The following MYL7 variants were observed in gnomAD, a reference collection of about 807,000 sequenced individuals.
MYL7 encodes myosin light chain 7.
In MYL7, 27 loss-of-function variants were observed where a neutral mutation model predicts 22.5. The ratio of observed to expected loss-of-function variants is 1.20; its 90% CI spans 0.89 to 1.66. The LOEUF is 1.66. MYL7 is among the 40% of genes most tolerant of loss of function. MYL7 has a pLI of 0.00. For missense variants in MYL7, 209 were observed against 226.8 expected (o/e 0.92, Z 0.50); for synonymous variants, 81 against 84.4 (o/e 0.96, Z 0.22).
chr7:44,140,700 G>A lies in MYL7; in HGVS notation c.193+12C>T. On this transcript the variant is annotated intron_variant, in intron 3 of 6. Coordinates refer to ENST00000223364, the MANE Select transcript of MYL7 (RefSeq NM_021223.3). Reference sequence around the variant, plus strand: ...GACCCCAGTGCGCAGGGTGGGAGGTGGGTGCACGCACCCAGCTGGGAGTAG... The same window carrying A: ...GACCCCAGTGCGCAGGGTGGGAGGTAGGTGCACGCACCCAGCTGGGAGTAG... The A allele has an allele frequency of 6.3e-7, 1 of 1,593,570 alleles. No individual in the cohort carries two copies. The highest frequency in any genetic ancestry group is 8.5e-7 in the Non-Finnish European group (1 of 1,170,150).
chr7:44,140,742 C>T lies in MYL7; in HGVS notation c.163G>A (p.Ala55Thr). Residue 55 changes from alanine to threonine, a missense_variant, in exon 3 of 7, where the codon GCA becomes ACA. Coordinates refer to ENST00000223364, the MANE Select transcript of MYL7 (RefSeq NM_021223.3). ...DQNRDGIICK[A>T]DLRETYSQLG... Reference sequence around the variant, plus strand: ...TGGGAGTAGGTCTCCCTCAGGTCTGCCTTGCAGATGATGCCATCACGATTC... The same window carrying T: ...TGGGAGTAGGTCTCCCTCAGGTCTGTCTTGCAGATGATGCCATCACGATTC... The T allele has an allele frequency of 6.2e-7, 1 of 1,612,362 alleles. No homozygotes were observed. Among genetic ancestry groups the T allele is most frequent in the Non-Finnish European group, 8.5e-7 (1 of 1,179,284 alleles).
chr7:44,141,219 C>T (rs757548980), intron 1 of MYL7, 84 bp downstream of exon 1: 3 of 1,608,696 alleles, frequency 1.9e-6, no homozygotes, highest in African/African-American at 2.7e-5. Context: ...CTCAACCCAA[C>T]ACAAGCACAG....
rs183013073 is a variant in MYL7 at position 44,140,954 on chromosome 7, C to T, written c.117+7G>A. On this transcript the variant is annotated splice_region_variant and intron_variant, in intron 2 of 6. Transcript: ENST00000223364. ...GGGATCTGAGGCTACTGGGAGTGGGCACTCACTTCTTTGAACTCCTGTATC... is the reference window on the plus strand; with the variant it reads ...GGGATCTGAGGCTACTGGGAGTGGGTACTCACTTCTTTGAACTCCTGTATC... The T allele has an allele frequency of 8.1e-5, 130 of 1,611,970 alleles. No individual in the cohort carries two copies. In the African/African-American group the frequency reaches 1.6e-3, roughly 20 times the overall value.
intron 4 of MYL7, 75 bp downstream of exon 4, chr7:44,140,248 A>G: frequency 7.9e-7 from 1 of 1,266,584 alleles, no homozygotes; most frequent in Non-Finnish European, 1.1e-6. Flanking sequence ...GGGTTCAGGC[A>G]GGGTTCAGGT....
Position 44,141,040 on chromosome 7 carries a change from G to A in MYL7, c.38C>T (p.Ala13Val). 6.2e-7 allele frequency: 1 copy of A among 1,614,008 alleles called. No individual in the cohort carries two copies. Among genetic ancestry groups the A allele is most frequent in the Non-Finnish European group, 8.5e-7 (1 of 1,179,958 alleles). ...SRKAGTRGKV[A>V]ATKQAQRGSS... ...ACCACGTTGGGCCTGCTTGGTGGCT[G>A]CCACCTTGCCCCGGGTCCCCGCCTT... The change falls in exon 2 of 7, where the codon GCA (alanine) becomes GTA (valine). Residue 13 changes from alanine (A) to valine (V), a missense_variant. Transcript: ENST00000223364.
At position 44,139,949 on chromosome 7, in the gene MYL7, C is replaced by T. The variant is rs12669054; in HGVS notation, c.299-89G>A. 47,434 of 1,175,760 alleles carry T rather than the reference C, an allele frequency of 0.04. 1,927 individuals are homozygous for T. Among genetic ancestry groups the T allele is most frequent in the East Asian group, 0.22 (8,279 of 37,802 alleles). 72.8% of individuals were successfully genotyped at this position (1,175,760 alleles called of 1,614,324 possible). ...GAACTGGGCTGCATGAGGAGCCTCC[C>T]ACATCCCAGAAGAGGTGGGGGTATT... On this transcript the variant is annotated intron_variant, in intron 4 of 6. Transcript: ENST00000223364.
rs761808767 is a variant in MYL7, at chr7:44,140,380, C to T, written c.241G>A (p.Gly81Ser). 1.2e-6 allele frequency: 2 copies of T among 1,613,918 alleles called. No individual in the cohort carries two copies. The highest frequency in any genetic ancestry group is 1.3e-5 in the African/African-American group (1 of 74,912). ...EEELDAMLQE[G>S]KGPINFTVFL... ...ACGGTGAAGTTGATGGGGCCCTTGCCCTCTTGCAGCATGGCGTCCAGCTCC... is the reference window on the plus strand; with the variant it reads ...ACGGTGAAGTTGATGGGGCCCTTGCTCTCTTGCAGCATGGCGTCCAGCTCC... The change falls in exon 4 of 7, where the codon GGC becomes AGC. Residue 81 changes from glycine (G) to serine (S), a missense_variant. By Grantham distance (56) the Gly-to-Ser change is moderately conservative. Coordinates refer to ENST00000223364, the MANE Select transcript of MYL7 (RefSeq NM_021223.3).
chr7:44,139,646 T>C, intron 5 of MYL7, 77 bp from the exon 6 acceptor site: 1 of 1,571,754 alleles, frequency 6.4e-7, no homozygotes, highest in Non-Finnish European at 8.7e-7. Context: ...GAGGCTCCCA[T>C]GGCGCAGGGA....
At chr7:44,139,683 T>C (rs1323724646) in intron 5 of MYL7, 99 bp downstream of exon 5, 1 of 1,572,692 alleles carries the variant, frequency 6.4e-7, no homozygotes, top group Non-Finnish European at 8.7e-7. Flanking sequence ...CAAAGAGCAG[T>C]GTAAGGCCCC....
At chr7:44,140,619 G>A in intron 3 of MYL7, 93 bp downstream of exon 3, 4 of 1,357,806 alleles carry the variant, frequency 2.9e-6, no homozygotes, top group Non-Finnish European at 4.0e-6. Context: ...GGGGAAGCAG[G>A]GGAGCAGAGT....
chr7:44,140,436 G>A lies in MYL7; in HGVS notation c.194-9C>T. 1 of 1,610,216 alleles carries A rather than the reference G, an allele frequency of 6.2e-7. No homozygotes were observed. Among genetic ancestry groups the A allele is most frequent in the Non-Finnish European group, 8.5e-7 (1 of 1,177,320 alleles). On this transcript the variant is annotated splice_polypyrimidine_tract_variant and intron_variant, in intron 3 of 6. Coordinates refer to ENST00000223364, the MANE Select transcript of MYL7 (RefSeq NM_021223.3). ...TGGGACACTCACCTTCCCTGGTGGG[G>A]GTGGGGCATGAGGTGCACACAGGGA... is the stretch of plus-strand genomic sequence containing the variant.
intron 4 of MYL7, among the ~76,000 whole-genome samples, 176 bp from the exon 5 acceptor site, chr7:44,140,036 G>A (rs191267605): frequency 2.0e-4 from 30 of 152,286 alleles, no homozygotes; most frequent in African/African-American, 7.0e-4. Context: ...TCCTGAGGCG[G>A]GCAGCTTGGC....
At chr7:44,140,238 G>T in intron 4 of MYL7, 85 bp downstream of exon 4, 1 of 1,127,550 alleles carries the variant, frequency 8.9e-7, no homozygotes. Flanking sequence ...GGTTCAGGTG[G>T]GGTTCAGGCA....
At position 44,141,295 on chromosome 7, in the gene MYL7, G is replaced by T; in HGVS notation, c.3+8C>A. 1.2e-6 allele frequency: 2 copies of T among 1,613,990 alleles called. No individual in the cohort carries two copies. Among genetic ancestry groups the T allele is most frequent in the South Asian group, 2.2e-5 (2 of 91,054 alleles). ...ACCGCTAGCCTTTCTTCCCCAGCAG[G>T]CACTCACCATTCTCTCTGCAGAGGT... On this transcript the variant is annotated splice_region_variant and intron_variant, in intron 1 of 6. Transcript: ENST00000223364.
intron 1 of MYL7, 51 bp from the exon 2 acceptor site, chr7:44,141,125 C>T: frequency 6.3e-7 from 1 of 1,581,968 alleles, no homozygotes. Flanking sequence ...CTCAGAGTCT[C>T]CCCACCCCAC....
intron 6 of MYL7, 67 bp downstream of exon 6, chr7:44,139,454 C>G: frequency 6.4e-7 from 1 of 1,569,988 alleles, no homozygotes; most frequent in Non-Finnish European, 8.8e-7. Context: ...GTACTGGGCT[C>G]TGGGTCATGG....
At chr7:44,139,316 C>A in intron 6 of MYL7, 1 of 713,772 alleles carries the variant, frequency 1.4e-6, no homozygotes, top group South Asian at 1.6e-5. Context: ...CAGGTCTGTG[C>A]ACAGTCTCCC....
At position 44,138,906 on chromosome 7, in the gene MYL7, G is replaced by A. The variant is rs955676886; in HGVS notation, c.*15C>T. 2 of 1,605,630 alleles carry A rather than the reference G, an allele frequency of 1.2e-6. No individual in the cohort carries two copies. The highest frequency in any genetic ancestry group is 3.3e-5 in the Admixed American group (2 of 59,992). On this transcript the variant is annotated 3_prime_UTR_variant, in exon 7 of 7. Coordinates refer to ENST00000223364, the MANE Select transcript of MYL7 (RefSeq NM_021223.3). ...AGTTTATTGAGGTGCCCCCCCGTGG[G>A]CCTGGCCCTGCCCCTCATTCCTCTT...
At chr7:44,140,495 T>G in intron 3 of MYL7, 68 bp from the exon 4 acceptor site, 1 of 1,402,452 alleles carries the variant, frequency 7.1e-7, no homozygotes. Context: ...CAGGCCGCCC[T>G]CCCTCCATCC....
Sources: allele counts gnomAD v4.1 joint callset (sites outside exome capture counted in the v4.1 genomes callset), GRCh38; gene constraint gnomAD v4.1.1; transcripts MANE v1.5; gene names NCBI Gene and HGNC (gene_info 2026-07-23, HGNC 2026-07-21).